The following FRMPD1 variants were observed in gnomAD, a reference collection of about 807,000 sequenced individuals.
FRMPD1 encodes FERM and PDZ domain-containing protein 1.
Under a neutral mutation model 117.8 loss-of-function variants are expected in FRMPD1, and 76 were observed. That is an observed-to-expected ratio of 0.65 (90% confidence interval 0.54 to 0.78). FRMPD1 has a LOEUF of 0.78. Among genes scored for constraint, FRMPD1 ranks in the 30% least tolerant of loss-of-function variants. The pLI is 0.00. For missense variants in FRMPD1, 1,786 were observed against 1,964.5 expected (o/e 0.91, Z 1.72); for synonymous variants, 783 against 770.4 (o/e 1.02, Z -0.27).
chr9:37,626,622 G>GAAAAAAA, the FRMPD1 span, among the ~76,000 whole-genome samples: 18 of 48,604 alleles, frequency 3.7e-4, 1 homozygote, highest in African/African-American at 5.6e-4. Context: ...CCTGGTATCT[G>GAAAAAAA]AAAAAAAAAA....
At position 37,708,451 on chromosome 9, in the gene FRMPD1, C is replaced by A; in HGVS notation, c.312C>A (p.Asn104Lys). The A allele has an allele frequency of 6.2e-7, 1 of 1,613,490 alleles. No homozygotes were observed. Among genetic ancestry groups the A allele is most frequent in the Non-Finnish European group, 8.5e-7 (1 of 1,179,382 alleles). The change falls in exon 4 of 16, where the codon AAC (asparagine) becomes AAA (lysine). Residue 104 changes from asparagine to lysine, a missense_variant. Transcript: ENST00000377765. Reference protein sequence around the residue: ...LFPGDQILQMNNEPAEDLSWE... With the variant: ...LFPGDQILQMKNEPAEDLSWE... The stretch of plus-strand genomic sequence containing the variant: ...CTGGTGATCAGATCCTCCAAATGAA[C>A]AATGAGCCTGCTGAAGACCTTTCCT...
chr9:37,717,301 A>G lies in FRMPD1; in HGVS notation c.409-1768A>G, dbSNP rs566919087. 2.1e-5 allele frequency among the ~76,000 whole-genome samples: 3 copies of G among 145,876 alleles called. No homozygotes were observed. The South Asian group carries it at 6.7e-4, about 32-fold the overall frequency. ...ATCTTGGATTTTGCCGAGAAAAAAA[A>G]AATATATATATATGTATGTGTGTGT... is the stretch of plus-strand genomic sequence containing the variant. On this transcript the variant is annotated intron_variant, in intron 5 of 15. Coordinates refer to ENST00000377765, the MANE Select transcript of FRMPD1 (RefSeq NM_014907.3).
At chr9:37,609,088 C>T in the FRMPD1 span, among the ~76,000 whole-genome samples, 768 of 151,688 alleles carry the variant, frequency 5.1e-3, 4 homozygotes, top group South Asian at 0.014. Context: ...ATCAGGAGTT[C>T]GAGACCAGCC....
At position 37,744,714 on chromosome 9, in the gene FRMPD1, T is replaced by A; in HGVS notation, c.2682T>A (p.Pro894=). The stretch of plus-strand genomic sequence containing the variant: ...CTCTGCAGGACATGCAGGGTGAGCC[T>A]GGCCTTCTGGAGACCAAGGCCTTGG... ...VSSLQDMQGE[P]GLLETKALGL... The change falls in exon 16 of 16, where the codon CCT becomes CCA. Residue 894 remains proline, a synonymous_variant. Coordinates refer to ENST00000377765, the MANE Select transcript of FRMPD1 (RefSeq NM_014907.3). 6.2e-7 allele frequency: 1 copy of A among 1,614,012 alleles called. No homozygotes were observed. Among genetic ancestry groups the A allele is most frequent in the South Asian group, 1.1e-5 (1 of 91,080 alleles).
the FRMPD1 span, chr9:37,637,041 G>A: frequency 6.5e-7 from 1 of 1,546,210 alleles, no homozygotes; most frequent in Non-Finnish European, 8.9e-7. Context: ...TATACCACGA[G>A]GAAGCCATGA....
In FRMPD1 at chr9:37,744,519, G is replaced by T. The variant is rs2118527023; in HGVS notation, c.2487G>T (p.Lys829Asn). 1 of 1,614,124 alleles carries T rather than the reference G, an allele frequency of 6.2e-7. No individual in the cohort carries two copies. The highest frequency in any genetic ancestry group is 2.2e-5 in the East Asian group (1 of 44,874). Reference protein sequence around the residue: ...GRQPSRRGGVKKYAKTLRKRR... With the variant: ...GRQPSRRGGVNKYAKTLRKRR... ...AGCCAAGCAGGAGGGGAGGGGTGAA[G>T]AAATATGCCAAGACCCTGAGGAAAA... is the stretch of plus-strand genomic sequence containing the variant. Residue 829 changes from lysine to asparagine, a missense_variant, in exon 16 of 16, where the codon AAG (lysine) becomes AAT (asparagine). Transcript: ENST00000377765.
intron 2 of FRMPD1, among the ~76,000 whole-genome samples, chr9:37,699,837 G>A (rs1375196461): frequency 1.3e-5 from 2 of 152,010 alleles, no homozygotes; most frequent in Non-Finnish European, 2.9e-5. Context: ...GCACATACAT[G>A]CATACATGTG....
intron 1 of FRMPD1, among the ~76,000 whole-genome samples, chr9:37,675,407 T>G (rs1588917666): frequency 4.4e-5 from 6 of 135,346 alleles, no homozygotes; most frequent in African/African-American, 8.7e-5. Context: ...GGTGACAGAG[T>G]GAGACTGTCT....
the FRMPD1 span, among the ~76,000 whole-genome samples, chr9:37,628,062 A>C: frequency 6.6e-6 from 1 of 152,248 alleles, no homozygotes; most frequent in African/African-American, 2.4e-5. Flanking sequence ...CAGTACTGGC[A>C]GACCCCAGTT....
intron 1 of FRMPD1, among the ~76,000 whole-genome samples, chr9:37,686,261 G>A (rs1451268801): frequency 1.3e-5 from 2 of 152,246 alleles, no homozygotes; most frequent in South Asian, 2.1e-4. Context: ...ATTCTGGGCG[G>A]TGGTGGTAGG....
chr9:37,646,427 T>C (rs1336857314), upstream of FRMPD1, among the ~76,000 whole-genome samples: 1 of 152,204 alleles, frequency 6.6e-6, no homozygotes, highest in East Asian at 1.9e-4. Context: ...TCCATTCTGC[T>C]GAGACTTGAA....
At chr9:37,690,849 C>G (rs1822107729) in intron 1 of FRMPD1, among the ~76,000 whole-genome samples, 1 of 152,104 alleles carries the variant, frequency 6.6e-6, no homozygotes, top group African/African-American at 2.4e-5. Context: ...GCTGTATCAT[C>G]CCATGGAAGA....
intron 2 of FRMPD1, among the ~76,000 whole-genome samples, chr9:37,700,569 A>G (rs1404440540): frequency 6.6e-6 from 1 of 152,260 alleles, no homozygotes; most frequent in East Asian, 1.9e-4. Context: ...ACATTTTCCA[A>G]CATATCAGAG....
intron 1 of FRMPD1, among the ~76,000 whole-genome samples, chr9:37,689,907 C>CT (rs545091276): frequency 2.6e-5 from 4 of 151,400 alleles, no homozygotes; most frequent in African/African-American, 7.3e-5. Flanking sequence ...TGTATGTAAT[C>CT]TTTTTTTTTC....
At chr9:37,683,876 G>T (rs1208582219) in intron 1 of FRMPD1, among the ~76,000 whole-genome samples, 1 of 143,840 alleles carries the variant, frequency 7.0e-6, no homozygotes, top group Non-Finnish European at 1.5e-5. Context: ...GGCAGGGCCA[G>T]ATCACAAAAG....
chr9:37,615,358 A>G, the FRMPD1 span, among the ~76,000 whole-genome samples: 2 of 151,630 alleles, frequency 1.3e-5, no homozygotes, highest in African/African-American at 4.9e-5. Context: ...TGATCTACCC[A>G]CCTCGGCCTC....
At chr9:37,737,818 CA>C (rs1824203581) in intron 14 of FRMPD1, among the ~76,000 whole-genome samples, 1 of 136,796 alleles carries the variant, frequency 7.3e-6, no homozygotes, top group African/African-American at 2.8e-5. Context: ...AGCGAAACTC[CA>C]TCTTAAAAAA....
chr9:37,627,535 C>A, the FRMPD1 span, among the ~76,000 whole-genome samples: 1 of 152,216 alleles, frequency 6.6e-6, no homozygotes, highest in African/African-American at 2.4e-5. Context: ...AGTGTAGTGG[C>A]ACAATCAGCT....
At chr9:37,730,797 A>G (rs1823833877) in intron 8 of FRMPD1, among the ~76,000 whole-genome samples, 187 bp from the exon 9 acceptor site, 1 of 152,172 alleles carries the variant, frequency 6.6e-6, no homozygotes, top group Admixed American at 6.5e-5. Context: ...TGAACCTTTT[A>G]CATTTTGTAC....
Sources: allele counts gnomAD v4.1 joint callset (sites outside exome capture counted in the v4.1 genomes callset), GRCh38; gene constraint gnomAD v4.1.1; transcripts MANE v1.5; gene names NCBI Gene and HGNC (gene_info 2026-07-23, HGNC 2026-07-21).